The following TSHZ2 variants were observed in gnomAD, a reference collection of about 807,000 sequenced individuals.
TSHZ2 encodes teashirt homolog 2.
In TSHZ2, 21 loss-of-function variants were observed where a neutral mutation model predicts 74.4. The ratio of observed to expected loss-of-function variants is 0.28; its 90% CI spans 0.20 to 0.41. The LOEUF is 0.41. Ranked by LOEUF, TSHZ2 falls within the 10% of genes least tolerant of loss-of-function variation. The pLI, the probability that TSHZ2 is intolerant of heterozygous loss-of-function variation, is 1.00. For synonymous variants in TSHZ2, 540 were observed against 515.3 expected (o/e 1.05, Z -0.65); for missense variants, 1,244 against 1,293.5 (o/e 0.96, Z 0.59).
chr20:53,026,354 T>C (rs1258305990), intron 1 of TSHZ2, among the ~76,000 whole-genome samples: 2 of 147,562 alleles, frequency 1.4e-5, no homozygotes, highest in Admixed American at 6.8e-5. Context: ...CTCATATTCT[T>C]TTTTTTTTTT....
At chr20:53,338,187 T>C (rs545931711) in intron 2 of TSHZ2, among the ~76,000 whole-genome samples, 77 of 152,222 alleles carry the variant, frequency 5.1e-4, no homozygotes, top group Non-Finnish European at 9.4e-4. Context: ...TCATAATTTA[T>C]CTGAGCAGAG....
intron 1 of TSHZ2, among the ~76,000 whole-genome samples, chr20:53,073,664 A>G (rs1426173509): frequency 6.6e-6 from 1 of 152,176 alleles, no homozygotes; most frequent in Non-Finnish European, 1.5e-5. Flanking sequence ...ATGATACGGG[A>G]TGAGCTAATG....
intron 1 of TSHZ2, among the ~76,000 whole-genome samples, chr20:53,067,815 G>C (rs1421015195): frequency 6.6e-6 from 1 of 152,184 alleles, no homozygotes; most frequent in Non-Finnish European, 1.5e-5. Context: ...CACAAACTGG[G>C]TGGCTTAAAA....
chr20:53,305,988 AAAAT>A (rs1978526904), intron 2 of TSHZ2, among the ~76,000 whole-genome samples: 2 of 151,990 alleles, frequency 1.3e-5, no homozygotes, highest in South Asian at 4.2e-4. Context: ...AAAAAAAAAA[AAAAT>A]ACGTTTGGCT....
At chr20:52,973,880 A>G (rs945801289) in intron 1 of TSHZ2, among the ~76,000 whole-genome samples, 2 of 152,190 alleles carry the variant, frequency 1.3e-5, no homozygotes, top group Non-Finnish European at 2.9e-5. Context: ...GACTCTTTGC[A>G]TATATTTTCT....
At chr20:53,296,179 AT>A (rs1355900625) in intron 2 of TSHZ2, among the ~76,000 whole-genome samples, 1 of 151,870 alleles carries the variant, frequency 6.6e-6, no homozygotes, top group East Asian at 1.9e-4. Flanking sequence ...AATTTTTCAG[AT>A]CTAGGTCTGC....
intron 2 of TSHZ2, among the ~76,000 whole-genome samples, chr20:53,464,770 T>C (rs1433269502): frequency 6.6e-6 from 1 of 152,002 alleles, no homozygotes; most frequent in Non-Finnish European, 1.5e-5. Context: ...GCCCAGTCAG[T>C]ATTTTTCTTT....
chr20:53,312,789 T>G (rs1428918355), intron 2 of TSHZ2, among the ~76,000 whole-genome samples: 2 of 152,200 alleles, frequency 1.3e-5, no homozygotes, highest in Non-Finnish European at 2.9e-5. Context: ...AATAGTAGAT[T>G]TTTTGTTGAT....
At chr20:53,002,798 C>T (rs1226504973) in intron 1 of TSHZ2, among the ~76,000 whole-genome samples, 6 of 152,112 alleles carry the variant, frequency 3.9e-5, no homozygotes, top group South Asian at 2.1e-4. Flanking sequence ...TCTCCAGGTA[C>T]GACGTGTGTA....
At chr20:53,411,657 C>T (rs899718824) in intron 2 of TSHZ2, among the ~76,000 whole-genome samples, 3 of 152,034 alleles carry the variant, frequency 2.0e-5, no homozygotes, top group Non-Finnish European at 4.4e-5. Flanking sequence ...AGTGAGACCT[C>T]GTCTCTATAA....
At position 53,028,040 on chromosome 20, in the gene TSHZ2, C is replaced by T. The variant is rs1015795459; in HGVS notation, c.40+54707C>T. Among the ~76,000 whole-genome samples the T allele has an allele frequency of 8.5e-5, 13 of 152,162 alleles. No individual in the cohort carries two copies. In the South Asian group the frequency reaches 1.5e-3, roughly 17 times the overall value. ...TGGAGGAAATGGCAGGACATGGAGGCCCAGGAGCTGATTTCAGAGCCATTA... is the reference window on the plus strand; with the variant it reads ...TGGAGGAAATGGCAGGACATGGAGGTCCAGGAGCTGATTTCAGAGCCATTA... On this transcript the variant is annotated intron_variant, in intron 1 of 2. Transcript: ENST00000371497.
At chr20:53,173,074 G>A (rs979062366) in intron 1 of TSHZ2, among the ~76,000 whole-genome samples, 19 of 152,186 alleles carry the variant, frequency 1.2e-4, no homozygotes, top group Non-Finnish European at 4.4e-5. Context: ...AATGAACACA[G>A]TGCTCCCAGC....
At chr20:53,279,933 G>C (rs992857232) in intron 2 of TSHZ2, among the ~76,000 whole-genome samples, 19 of 152,228 alleles carry the variant, frequency 1.2e-4, no homozygotes, top group African/African-American at 4.6e-4. Flanking sequence ...CCTGAGGCAA[G>C]TAGGAGCTGG....
chr20:53,455,196 G>T (rs571739921), intron 2 of TSHZ2: 1 of 152,074 alleles, frequency 6.6e-6, no homozygotes, highest in African/African-American at 2.4e-5. Context: ...TTTCAGTAAC[G>T]ATGCCCACAC....
chr20:52,994,356 G>A (rs1285513130), intron 1 of TSHZ2, among the ~76,000 whole-genome samples: 1 of 151,844 alleles, frequency 6.6e-6, no homozygotes, highest in African/African-American at 2.4e-5. Flanking sequence ...ATGGATAGAT[G>A]GATTGATGGA....
At chr20:53,442,941 C>T (rs940382166) in intron 2 of TSHZ2, among the ~76,000 whole-genome samples, 5 of 152,286 alleles carry the variant, frequency 3.3e-5, no homozygotes, top group Middle Eastern at 3.4e-3. Flanking sequence ...TATCTCATCC[C>T]GCTTAAGATC....
Position 53,468,668 on chromosome 20 carries a change from C to A in TSHZ2, c.*9-18476C>A, listed in dbSNP as rs542018092. Among the ~76,000 whole-genome samples the A allele has an allele frequency of 5.5e-5, 7 of 127,620 alleles. No individual in the cohort carries two copies. In the South Asian group the frequency reaches 1.8e-3, roughly 33 times the overall value. 83.7% of individuals were successfully genotyped at this position (127,620 alleles called of 152,430 possible). ...TATAAGGTAGAGGTCAGTTAAGATT[C>A]TCTGGCATCCATTACGAGACAAAAA... On this transcript the variant is annotated intron_variant, in intron 2 of 2. Transcript: ENST00000371497.
At chr20:53,024,227 G>C (rs930805750) in intron 1 of TSHZ2, among the ~76,000 whole-genome samples, 1 of 151,868 alleles carries the variant, frequency 6.6e-6, no homozygotes, top group African/African-American at 2.4e-5. Context: ...ATGATGTTGA[G>C]AGATTATTGT....
At chr20:53,038,914 G>A (rs1305920648) in intron 1 of TSHZ2, among the ~76,000 whole-genome samples, 1 of 68,696 alleles carries the variant, frequency 1.5e-5, no homozygotes, top group African/African-American at 1.2e-4. Context: ...GTTTGTTTTT[G>A]AGATGGAGTT....
Sources: allele counts gnomAD v4.1 joint callset (sites outside exome capture counted in the v4.1 genomes callset), GRCh38; gene constraint gnomAD v4.1.1; transcripts MANE v1.5; gene names NCBI Gene and HGNC (gene_info 2026-07-23, HGNC 2026-07-21).